Variants in UNC80 observed in about 807,000 individuals in gnomAD.
The protein encoded by UNC80 is protein unc-80 homolog.
UNC80 carries 164 observed loss-of-function variants against 384.6 expected under a neutral mutation model. The observed-to-expected ratio is 0.43, with a 90% CI of 0.38 to 0.49. The LOEUF (loss-of-function observed/expected upper bound fraction) is 0.49, where lower values mean the gene tolerates loss of function less well. Ranked by LOEUF, UNC80 falls within the 20% of genes least tolerant of loss-of-function variation. The pLI, the probability that UNC80 is intolerant of heterozygous loss-of-function variation, is 0.00. For missense variants in UNC80, 3,330 were observed against 4,143.0 expected, an observed-to-expected ratio of 0.80 and a Z score of 5.39; for synonymous variants, 1,486 against 1,527.8, an observed-to-expected ratio of 0.97 and a Z score of 0.64.
chr2:209,944,838 G>T (rs1006815661), intron 45 of UNC80, among the ~76,000 whole-genome samples: 2 of 151,910 alleles, frequency 1.3e-5, no homozygotes, highest in Non-Finnish European at 2.9e-5. Context: ...TATCTCTTTT[G>T]TTCTATATTA....
intron 4 of UNC80, among the ~76,000 whole-genome samples, chr2:209,779,526 A>G (rs1189992842): frequency 6.6e-6 from 1 of 152,082 alleles, no homozygotes; most frequent in Non-Finnish European, 1.5e-5. Flanking sequence ...TTATTTATGC[A>G]TTTGTCTGCA....
chr2:209,909,691 G>A (rs370567508), intron 29 of UNC80, among the ~76,000 whole-genome samples: 5 of 152,134 alleles, frequency 3.3e-5, no homozygotes, highest in Admixed American at 3.3e-4. Flanking sequence ...CAAAAAATTG[G>A]TTTTGCATTG....
chr2:209,992,339 G>GCTGGACGTGCCCGGAATCCCAGCTA (rs2093407634), intron 62 of UNC80, 92 bp downstream of exon 62: 1 of 1,247,598 alleles, frequency 8.0e-7, no homozygotes, highest in Non-Finnish European at 1.1e-6. Context: ...ATATTTTGCT[G>GCTGGACGTGCCCGGAATCCCAGCTA]CTGGACGTGC....
chr2:209,815,163 A>G, intron 8 of UNC80, 94 bp from the exon 9 acceptor site: 4 of 1,275,092 alleles, frequency 3.1e-6, no homozygotes, highest in African/African-American at 1.5e-5. Context: ...TGTCAAAGCT[A>G]TAGGCGCATC....
At chr2:209,967,414 A>G (rs747751843) in intron 51 of UNC80, 23 bp from the exon 52 acceptor site, 30 of 1,462,594 alleles carry the variant, frequency 2.1e-5, no homozygotes, top group South Asian at 4.4e-5. Context: ...TTTAAAATAT[A>G]TATACATATA....
intron 28 of UNC80, among the ~76,000 whole-genome samples, chr2:209,903,213 G>A (rs1418965145): frequency 6.8e-6 from 1 of 147,072 alleles, no homozygotes; most frequent in Admixed American, 7.1e-5. Flanking sequence ...GGGATATTTT[G>A]GAATATTTTT....
chr2:209,903,316 T>TTATA (rs774307261), intron 28 of UNC80, among the ~76,000 whole-genome samples: 1 of 73,520 alleles, frequency 1.4e-5, no homozygotes, highest in Non-Finnish European at 2.9e-5. Context: ...ATATATTATA[T>TTATA]TATATGTGTG....
At chr2:209,893,490 C>T (rs1329193137) in intron 26 of UNC80, among the ~76,000 whole-genome samples, 2 of 152,138 alleles carry the variant, frequency 1.3e-5, no homozygotes, top group African/African-American at 4.8e-5. Flanking sequence ...GCATATTCTT[C>T]TTGGTATGCA....
intron 10 of UNC80, 148 bp from the exon 11 acceptor site, chr2:209,817,664 C>A: frequency 1.1e-6 from 1 of 937,780 alleles, no homozygotes; most frequent in Non-Finnish European, 1.6e-6. Flanking sequence ...ATCCCCATGG[C>A]AAGTTCAGTT....
intron 31 of UNC80, among the ~76,000 whole-genome samples, chr2:209,916,884 T>C (rs541619844): frequency 7.5e-4 from 114 of 152,362 alleles, no homozygotes; most frequent in African/African-American, 2.6e-3. Context: ...CTTTCTCATA[T>C]ATTCTTTTAT....
At chr2:209,956,884 T>C (rs2092438213) in intron 48 of UNC80, among the ~76,000 whole-genome samples, 1 of 152,130 alleles carries the variant, frequency 6.6e-6, no homozygotes, top group Admixed American at 6.5e-5. Context: ...GAAGAGGAGA[T>C]CTGGTGTGAT....
intron 22 of UNC80, among the ~76,000 whole-genome samples, chr2:209,866,523 C>CAG (rs2083815523): frequency 7.3e-6 from 1 of 137,064 alleles, no homozygotes; most frequent in Non-Finnish European, 1.5e-5. Flanking sequence ...CACACACACA[C>CAG]ACACACACAC....
chr2:209,903,308 A>T (rs917698654), intron 28 of UNC80, among the ~76,000 whole-genome samples: 1 of 86,792 alleles, frequency 1.2e-5, no homozygotes, highest in Non-Finnish European at 2.4e-5. Context: ...TACAATATAT[A>T]TATTATATTA....
intron 22 of UNC80, among the ~76,000 whole-genome samples, chr2:209,858,688 T>C (rs1280665309): frequency 1.6e-5 from 2 of 127,746 alleles, no homozygotes; most frequent in Admixed American, 7.8e-5. Flanking sequence ...AATGAAACCC[T>C]GTTTCCAAAA....
chr2:209,941,172 A>G (rs1319905896), intron 43 of UNC80, 49 bp from the exon 44 acceptor site: 4 of 1,455,114 alleles, frequency 2.7e-6, no homozygotes, highest in Non-Finnish European at 3.7e-6. Context: ...TCATGCTGAC[A>G]GGATTGGTGT....
At chr2:209,964,372 A>G (rs2092684076) in intron 51 of UNC80, among the ~76,000 whole-genome samples, 2 of 152,196 alleles carry the variant, frequency 1.3e-5, no homozygotes, top group East Asian at 3.8e-4. Context: ...GAGTCTGCAG[A>G]TGTAGGCCCT....
intron 22 of UNC80, among the ~76,000 whole-genome samples, chr2:209,858,701 A>G (rs1476848840): frequency 6.6e-6 from 1 of 151,846 alleles, no homozygotes; most frequent in African/African-American, 2.4e-5. Context: ...TTCCAAAAAA[A>G]AAAAAAGAAA....
Position 209,975,486 on chromosome 2 carries a change from C to G in UNC80, c.8588-633C>G, listed in dbSNP as rs140877620. Among the ~76,000 whole-genome samples the G allele has an allele frequency of 4.6e-5, 7 of 152,170 alleles. No individual in the cohort carries two copies. The East Asian group carries it at 1.4e-3, about 29-fold the overall frequency. On this transcript the variant is annotated intron_variant, in intron 56 of 64. Coordinates refer to ENST00000673920, the MANE Select transcript of UNC80 (RefSeq NM_001371986.1). ...AAATCCAGTAGGGTTTAGTAACAGA[C>G]GTAGTGTGTGATGAAGGAAGGTGTT...
intron 13 of UNC80, among the ~76,000 whole-genome samples, chr2:209,821,870 A>G (rs1360476337): frequency 2.6e-5 from 4 of 152,206 alleles, no homozygotes; most frequent in African/African-American, 9.7e-5. Context: ...TCAAGTGTTT[A>G]CACATGTGAA....
Sources: gnomAD v4.1 joint callset for allele counts (sites outside exome capture counted in the v4.1 genomes callset) on GRCh38, gnomAD v4.1.1 for gene constraint, MANE v1.5 for transcripts, NCBI Gene and HGNC (gene_info 2026-07-23, HGNC 2026-07-21) for gene names.